The following USP34 variants were observed in gnomAD, a reference collection of about 807,000 sequenced individuals.
USP34 encodes ubiquitin specific peptidase 34.
Under a neutral mutation model 460.3 loss-of-function variants are expected in USP34, and 70 were observed. The observed-to-expected ratio is 0.15, with a 90% CI of 0.13 to 0.19. The LOEUF (loss-of-function observed/expected upper bound fraction) is 0.19. Among genes scored for constraint, USP34 ranks in the 10% least tolerant of loss-of-function variants. The pLI is 1.00. For synonymous variants in USP34, 1,647 were observed against 1,405.3 expected (o/e 1.17, Z -3.85); for missense variants, 3,985 against 4,236.2 (o/e 0.94, Z 1.65).
chr2:61,395,296 T>C, intron 3 of USP34, 63 bp from the exon 4 acceptor site: 2 of 1,013,200 alleles, frequency 2.0e-6, no homozygotes, highest in Non-Finnish European at 3.0e-6. Context: ...AAAAATACAA[T>C]TCTATAAAAG....
At chr2:61,247,337 A>G (rs1688444680) in intron 49 of USP34, among the ~76,000 whole-genome samples, 1 of 152,152 alleles carries the variant, frequency 6.6e-6, no homozygotes, top group African/African-American at 2.4e-5. Context: ...GAAGGGTATG[A>G]CTCAAGGTGT....
chr2:61,398,579 C>CA lies in USP34; in HGVS notation c.553-3347_553-3346insT, dbSNP rs1553383067. The stretch of plus-strand genomic sequence containing the variant: ...GGCGGAAGCGGGAAGAGGGGAAAGT[C>CA]GGGGGAGGGAGAAAGGGGAGGGAGA... On this transcript the variant is annotated intron_variant, in intron 3 of 79. Coordinates refer to ENST00000398571, the MANE Select transcript of USP34 (RefSeq NM_014709.4). Among the ~76,000 whole-genome samples, 5 of 103,886 alleles carry CA rather than the reference C, an allele frequency of 4.8e-5. 1 individual carries two copies. The highest frequency in any genetic ancestry group is 9.4e-5 in the Non-Finnish European group (5 of 53,280). The allele number at this position is 103,886 out of a possible 152,430, so 68.2% of individuals were successfully genotyped here.
chr2:61,305,044 G>A lies in USP34; in HGVS notation c.3818-3590C>T, dbSNP rs1013212172. On this transcript the variant is annotated intron_variant, in intron 27 of 79. Transcript: ENST00000398571. ...AAATTTTAAAAATTTTACAGACGTA[G>A]GACGGGTGTGGTGGCTCACGCCTGT... 4.6e-5 allele frequency among the ~76,000 whole-genome samples: 7 copies of A among 152,220 alleles called. No homozygotes were observed. The South Asian group carries it at 1.5e-3, about 32-fold the overall frequency.
At chr2:61,220,582 G>T in intron 66 of USP34, 125 bp from the exon 67 acceptor site, 6 of 915,730 alleles carry the variant, frequency 6.6e-6, no homozygotes, top group South Asian at 3.2e-5. Context: ...AGATTAAAAA[G>T]GTTTCACCCT....
At chr2:61,304,391 G>A (rs1272219890) in intron 27 of USP34, among the ~76,000 whole-genome samples, 1 of 152,184 alleles carries the variant, frequency 6.6e-6, no homozygotes, top group African/African-American at 2.4e-5. Flanking sequence ...TATGAGATAG[G>A]CCAATATTCT....
At chr2:61,288,479 G>T (rs1368067523) in intron 34 of USP34, among the ~76,000 whole-genome samples, 198 bp downstream of exon 34, 1 of 152,124 alleles carries the variant, frequency 6.6e-6, no homozygotes, top group Non-Finnish European at 1.5e-5. Context: ...AAAATGGCAC[G>T]ACTCATTTCT....
chr2:61,327,453 G>C (rs948630114), intron 20 of USP34, among the ~76,000 whole-genome samples: 1 of 152,138 alleles, frequency 6.6e-6, no homozygotes, highest in Admixed American at 6.5e-5. Context: ...AACAACAAGG[G>C]ATTTTGTAGC....
chr2:61,398,083 T>C (rs1427921064), intron 3 of USP34, among the ~76,000 whole-genome samples: 9 of 151,518 alleles, frequency 5.9e-5, no homozygotes, highest in African/African-American at 1.7e-4. Flanking sequence ...AAAAAAAAGA[T>C]TGCTTTTAGG....
At position 61,265,400 on chromosome 2, in the gene USP34, G is replaced by T. The variant is rs369395149; in HGVS notation, c.5775C>A (p.Ala1925=). 9.4e-6 allele frequency: 15 copies of T among 1,601,256 alleles called. No individual in the cohort carries two copies. In the African/African-American group the frequency reaches 1.8e-4, roughly 19 times the overall value. ...IPEARQAVFT[A]KYSEDMKHKT... is the part of the protein sequence containing the mutation. ...TTTAAAGTGAGGAAAATTCTACCTT[G>T]GCAGTGAAGACAGCCTGTCTTGCCT... The change falls in exon 43 of 80, where the codon GCC becomes GCA. Residue 1925 remains alanine, a synonymous_variant. Transcript: ENST00000398571.
At chr2:61,449,545 T>A (rs990447268) in intron 1 of USP34, among the ~76,000 whole-genome samples, 4 of 151,772 alleles carry the variant, frequency 2.6e-5, no homozygotes, top group African/African-American at 9.7e-5. Context: ...AACAAAGATT[T>A]ACACTTTCTG....
At chr2:61,386,651 G>A (rs6545860) in intron 5 of USP34, among the ~76,000 whole-genome samples, 4,123 of 151,936 alleles carry the variant, frequency 0.027, 197 homozygotes, top group African/African-American at 0.094. Flanking sequence ...TTAGCTGGGC[G>A]TGGTGGCAAG....
chr2:61,367,307 C>T (rs530960789), intron 10 of USP34, among the ~76,000 whole-genome samples: 9 of 151,276 alleles, frequency 5.9e-5, no homozygotes, highest in South Asian at 4.2e-4. Context: ...CACGAGTGCG[C>T]GCGCACACAC....
chr2:61,316,991 A>G lies in USP34; in HGVS notation c.3282+663T>C, dbSNP rs554356842. Among the ~76,000 whole-genome samples, 234 of 152,302 alleles carry G rather than the reference A, an allele frequency of 1.5e-3. 1 individual carries two copies. The highest frequency in any genetic ancestry group is 3.0e-3 in the Non-Finnish European group (204 of 68,034). The stretch of plus-strand genomic sequence containing the variant: ...CAAGTATTCTTTTTTCTTCAGATGG[A>G]GTCTTGCTTTGTTGCCCAGGCTGAA... On this transcript the variant is annotated intron_variant, in intron 23 of 79. Transcript: ENST00000398571.
intron 43 of USP34, among the ~76,000 whole-genome samples, chr2:61,263,017 T>C (rs1442904569): frequency 6.8e-6 from 1 of 146,826 alleles, no homozygotes; most frequent in Non-Finnish European, 1.5e-5. Context: ...CTTTGTCCAC[T>C]TTTTTTTTTA....
chr2:61,440,348 G>C (rs1694928875), intron 1 of USP34, among the ~76,000 whole-genome samples: 1 of 152,100 alleles, frequency 6.6e-6, no homozygotes, highest in South Asian at 2.1e-4. Context: ...AGGACATCAG[G>C]AGGAAGCAGG....
chr2:61,298,636 G>T (rs941610526), intron 29 of USP34, among the ~76,000 whole-genome samples: 6 of 141,988 alleles, frequency 4.2e-5, no homozygotes, highest in African/African-American at 1.6e-4. Flanking sequence ...TAACGTAACA[G>T]CCTATTAACA....
intron 5 of USP34, among the ~76,000 whole-genome samples, chr2:61,386,941 G>A (rs1023659455): frequency 6.6e-6 from 1 of 152,030 alleles, no homozygotes; most frequent in Non-Finnish European, 1.5e-5. Flanking sequence ...CAACACAACA[G>A]TGAAAAGCAA....
chr2:61,188,061 T>C lies in USP34; in HGVS notation c.*41A>G. The stretch of plus-strand genomic sequence containing the variant: ...AAACTTATACAAACAGCATGGGGGT[T>C]GGGGGTGAGGGACTTAAAAGTAGAC... On this transcript the variant is annotated 3_prime_UTR_variant, in exon 80 of 80. Transcript: ENST00000398571. The C allele has an allele frequency of 6.3e-7, 1 of 1,574,928 alleles. No individual in the cohort carries two copies.
intron 49 of USP34, 45 bp from the exon 50 acceptor site, chr2:61,246,522 A>T: frequency 7.7e-7 from 1 of 1,304,420 alleles, no homozygotes; most frequent in Non-Finnish European, 1.0e-6. Context: ...CAAACTTCAC[A>T]ACAGTTACTT....
Sources: gnomAD v4.1 joint callset for allele counts (sites outside exome capture counted in the v4.1 genomes callset) on GRCh38, gnomAD v4.1.1 for gene constraint, MANE v1.5 for transcripts, NCBI Gene and HGNC (gene_info 2026-07-23, HGNC 2026-07-21) for gene names.